The following COL23A1 variants were observed in gnomAD, a reference collection of about 807,000 sequenced individuals.
COL23A1 encodes the protein collagen alpha-1(XXIII) chain.
A neutral mutation model predicts 99.3 loss-of-function variants in COL23A1; 97 were observed. The observed-to-expected ratio is 0.98, with a 90% CI of 0.83 to 1.16. COL23A1 has a LOEUF of 1.16. Among genes scored for constraint, COL23A1 ranks in the 50% most tolerant of loss-of-function variants. The probability of loss-of-function intolerance (pLI) is 0.00; values close to 1 mark genes in which losing one functional copy is unlikely to be tolerated. For synonymous variants in COL23A1, 320 were observed against 308.2 expected, an observed-to-expected ratio of 1.04 and a Z score of -0.40; for missense variants, 762 against 757.4, an observed-to-expected ratio of 1.01 and a Z score of -0.07.
chr5:178,280,093 G>A lies in COL23A1; in HGVS notation c.441+8231C>T, dbSNP rs1364699831. On this transcript the variant is annotated intron_variant, in intron 5 of 28. Coordinates refer to ENST00000390654, the MANE Select transcript of COL23A1 (RefSeq NM_173465.4). The surrounding 1 kb of genome is among the most constrained non-coding windows in gnomAD (Gnocchi z 4.9). ...ACAACGGTGAAGGGAACGATTCTCT[G>A]AATGAACGTCCATCCTGCTGGCTCT... Among the ~76,000 whole-genome samples, 1 of 152,260 alleles carries A rather than the reference G, an allele frequency of 6.6e-6. No homozygotes were observed. The highest frequency in any genetic ancestry group is 1.5e-5 in the Non-Finnish European group (1 of 68,054).
At chr5:178,380,475 C>T (rs1334535639) in intron 2 of COL23A1, among the ~76,000 whole-genome samples, 3 of 151,450 alleles carry the variant, frequency 2.0e-5, no homozygotes, top group African/African-American at 7.3e-5. Flanking sequence ...TCTTTTTCTG[C>T]TGAAGGGGAA....
At chr5:178,490,934 A>G (rs1055793601) in intron 2 of COL23A1, among the ~76,000 whole-genome samples, 4 of 152,182 alleles carry the variant, frequency 2.6e-5, no homozygotes, top group East Asian at 1.9e-4. Flanking sequence ...AACAACCTCT[A>G]TCTTCAGGGA....
intron 2 of COL23A1, among the ~76,000 whole-genome samples, chr5:178,419,287 C>T (rs1316703627): frequency 6.6e-6 from 1 of 152,182 alleles, no homozygotes; most frequent in Non-Finnish European, 1.5e-5. Context: ...TGACATTGGT[C>T]TAACGTTAAG....
At chr5:178,523,201 TAG>T (rs70997609) in intron 2 of COL23A1, among the ~76,000 whole-genome samples, 13,702 of 77,352 alleles carry the variant, frequency 0.18, 1,062 homozygotes, top group South Asian at 0.21. Flanking sequence ...TATATATATA[TAG>T]AGAGAGAGAG....
Position 178,281,102 on chromosome 5 carries a change from A to G in COL23A1, c.441+7222T>C, listed in dbSNP as rs1756874762. Reference sequence around the variant, plus strand: ...TGCGTGCCATTATCAGGGACTCCGGAGTCGGCTTTCATCCGGTCTCAGCTT... The same window carrying G: ...TGCGTGCCATTATCAGGGACTCCGGGGTCGGCTTTCATCCGGTCTCAGCTT... On this transcript the variant is annotated intron_variant, in intron 5 of 28. Coordinates refer to ENST00000390654, the MANE Select transcript of COL23A1 (RefSeq NM_173465.4). This position sits in a 1 kb window ranked among gnomAD's most constrained non-coding sequence, Gnocchi z 4.0. Among the ~76,000 whole-genome samples, 1 of 152,268 alleles carries G rather than the reference A, an allele frequency of 6.6e-6. No homozygotes were observed. The highest frequency in any genetic ancestry group is 1.9e-4 in the East Asian group (1 of 5,184).
intron 2 of COL23A1, among the ~76,000 whole-genome samples, chr5:178,477,873 T>C (rs1757117558): frequency 6.6e-6 from 1 of 152,228 alleles, no homozygotes; most frequent in East Asian, 1.9e-4. Flanking sequence ...GCGAGAGCCG[T>C]AGGAGGTAGG....
chr5:178,266,383 A>C (rs1268753720), intron 8 of COL23A1, among the ~76,000 whole-genome samples: 1 of 151,868 alleles, frequency 6.6e-6, no homozygotes, highest in Non-Finnish European at 1.5e-5. Flanking sequence ...GTGTGTGCGC[A>C]TATGTGTGTG....
chr5:178,272,708 C>T lies in COL23A1; in HGVS notation c.442-2345G>A, dbSNP rs547964353. Among the ~76,000 whole-genome samples, 375 of 152,270 alleles carry T rather than the reference C, an allele frequency of 2.5e-3. 2 individuals carry two copies. The highest frequency in any genetic ancestry group is 0.014 in the Middle Eastern group (4 of 294). On this transcript the variant is annotated intron_variant, in intron 5 of 28. Coordinates refer to ENST00000390654, the MANE Select transcript of COL23A1 (RefSeq NM_173465.4). ...GGGTCCACACCCCCAGGCCTTCTGCCCTCGGTAGTACACTAAATTTGGCCC... is the reference window on the plus strand; with the variant it reads ...GGGTCCACACCCCCAGGCCTTCTGCTCTCGGTAGTACACTAAATTTGGCCC...
intron 2 of COL23A1, among the ~76,000 whole-genome samples, chr5:178,453,340 G>C (rs1485793543): frequency 6.6e-6 from 1 of 152,150 alleles, no homozygotes; most frequent in African/African-American, 2.4e-5. Flanking sequence ...GATGACCTGG[G>C]GGTATCATGT....
chr5:178,361,460 C>G (rs1168586280), intron 2 of COL23A1, among the ~76,000 whole-genome samples: 1 of 152,088 alleles, frequency 6.6e-6, no homozygotes, highest in African/African-American at 2.4e-5. Context: ...AGGGTAGAAG[C>G]TGATGCTCTT....
Position 178,246,441 on chromosome 5 carries a change from C to T in COL23A1, c.1309G>A (p.Ala437Thr), listed in dbSNP as rs1207610879. 1.3e-6 allele frequency: 2 copies of T among 1,572,044 alleles called. No individual in the cohort carries two copies. The highest frequency in any genetic ancestry group is 2.3e-5 in the South Asian group (2 of 85,480). Residue 437 changes from alanine (A) to threonine (T), a missense_variant, in exon 23 of 29, where the codon GCA becomes ACA. By Grantham distance (58) the Ala-to-Thr change is moderately conservative (BLOSUM62 0). Transcript: ENST00000390654. ...CCCGACGCACCCTTCTCTCCCTTTGCTCCATCCAAGCCCTGGAGGCAAAGG... is the reference window on the plus strand; with the variant it reads ...CCCGACGCACCCTTCTCTCCCTTTGTTCCATCCAAGCCCTGGAGGCAAAGG... ...GIQGPKGLDG[A>T]KGEKGASGER...
At position 178,254,934 on chromosome 5, in the gene COL23A1, C is replaced by A; in HGVS notation, c.960+15G>T. On this transcript the variant is annotated intron_variant, in intron 16 of 28. Transcript: ENST00000390654. ...TCGTATCTAAGGCACATCCTGGTCC[C>A]ACCAGGAACACTACCTTGAGGGCAT... 6.3e-7 allele frequency: 1 copy of A among 1,597,856 alleles called. No homozygotes were observed. Among genetic ancestry groups the A allele is most frequent in the South Asian group, 1.1e-5 (1 of 90,768 alleles).
chr5:178,467,315 C>T (rs1244080830), intron 2 of COL23A1, among the ~76,000 whole-genome samples: 1 of 152,174 alleles, frequency 6.6e-6, no homozygotes, highest in Non-Finnish European at 1.5e-5. Flanking sequence ...CTTCCCTGCC[C>T]CTGGTGGAGA....
At chr5:178,408,975 T>TAC (rs61457266) in intron 2 of COL23A1, among the ~76,000 whole-genome samples, 7,314 of 101,330 alleles carry the variant, frequency 0.072, 365 homozygotes, top group Non-Finnish European at 0.082. Context: ...AAAAAAAAAA[T>TAC]ACACACACAC....
chr5:178,357,736 G>GTGTATGTATGTA lies in COL23A1; in HGVS notation c.362-50818_362-50817insTACATACATACA, dbSNP rs1353482179. On this transcript the variant is annotated intron_variant, in intron 2 of 28. Transcript: ENST00000390654. ...TGTGTGTATGTGTGTGTGTGTGTGT[G>GTGTATGTATGTA]TATGTACGTGTATGTGTGTGTGTAC... is the stretch of plus-strand genomic sequence containing the variant. Among the ~76,000 whole-genome samples the GTGTATGTATGTA allele has an allele frequency of 2.0e-5, 3 of 150,132 alleles. No individual in the cohort carries two copies. The South Asian group carries it at 6.5e-4, about 32-fold the overall frequency.
At chr5:178,273,422 G>A (rs190331338) in intron 5 of COL23A1, among the ~76,000 whole-genome samples, 56 of 152,362 alleles carry the variant, frequency 3.7e-4, no homozygotes, top group Non-Finnish European at 2.5e-4. Context: ...AGCCCCGTCC[G>A]TGACAGAAAA....
chr5:178,375,120 A>G (rs187572359), intron 2 of COL23A1, among the ~76,000 whole-genome samples: 2 of 152,348 alleles, frequency 1.3e-5, no homozygotes, highest in Admixed American at 1.3e-4. Flanking sequence ...ACCTGCCACA[A>G]CATGGACGAA....
chr5:178,463,534 C>T (rs997604503), intron 2 of COL23A1, among the ~76,000 whole-genome samples: 1 of 152,128 alleles, frequency 6.6e-6, no homozygotes, highest in Non-Finnish European at 1.5e-5. Flanking sequence ...ACCTTGTCCC[C>T]CGCACTTTGG....
intron 2 of COL23A1, among the ~76,000 whole-genome samples, chr5:178,506,150 C>CT (rs1250032335): frequency 3.3e-5 from 5 of 152,228 alleles, no homozygotes; most frequent in Non-Finnish European, 1.5e-5. Flanking sequence ...CAGCACAGGC[C>CT]TGCTCTGGGC....
Sources: allele counts gnomAD v4.1 joint callset (sites outside exome capture counted in the v4.1 genomes callset), GRCh38; gene constraint gnomAD v4.1.1; non-coding constraint Gnocchi (gnomAD v3.1); transcripts MANE v1.5; gene names NCBI Gene and HGNC (gene_info 2026-07-23, HGNC 2026-07-21).